Variants in FGF1 observed in about 807,000 individuals in gnomAD.
The protein encoded by FGF1 is fibroblast growth factor 1.
In FGF1, 9 loss-of-function variants were observed where a neutral mutation model predicts 13.4. The observed-to-expected ratio is 0.67, with a 90% CI of 0.40 to 1.17. The LOEUF (loss-of-function observed/expected upper bound fraction) is 1.17. Ranked by LOEUF, FGF1 falls within the 50% of genes most tolerant of loss-of-function variation. The probability of loss-of-function intolerance (pLI) is 0.01; values close to 1 mark genes in which losing one functional copy is unlikely to be tolerated. For synonymous variants in FGF1, 93 were observed against 79.0 expected (o/e 1.18, Z -0.94); for missense variants, 156 against 192.7 (o/e 0.81, Z 1.13).
chr5:142,656,827 C>A (rs1160115320), intron 1 of FGF1, among the ~76,000 whole-genome samples: 1 of 152,034 alleles, frequency 6.6e-6, no homozygotes, highest in Admixed American at 6.6e-5. Context: ...AGATAGAAAA[C>A]TGAAAAAATG....
At chr5:142,609,101 G>T (rs933511331) in intron 2 of FGF1, among the ~76,000 whole-genome samples, 1 of 152,078 alleles carries the variant, frequency 6.6e-6, no homozygotes, top group Non-Finnish European at 1.5e-5. Flanking sequence ...TAGAAGTCTG[G>T]ACTCCCCTAA....
upstream of FGF1, among the ~76,000 whole-genome samples, chr5:142,688,023 C>A (rs1030461067): frequency 2.0e-5 from 3 of 152,240 alleles, no homozygotes; most frequent in Non-Finnish European, 4.4e-5. Flanking sequence ...GCAGGGAATG[C>A]AAATGCAAGT....
intron 1 of FGF1, among the ~76,000 whole-genome samples, chr5:142,653,111 G>A (rs962500965): frequency 3.3e-5 from 5 of 152,188 alleles, no homozygotes; most frequent in African/African-American, 7.2e-5. Flanking sequence ...GAAAGCCAGC[G>A]GTTACCTTTA....
intron 1 of FGF1, chr5:142,680,148 A>G (rs957858591): frequency 7.2e-5 from 11 of 152,274 alleles, no homozygotes; most frequent in South Asian, 6.2e-4. Context: ...TAAAGACCCT[A>G]TCTCCAAAAT....
chr5:142,628,311 C>A (rs1025393703), intron 1 of FGF1, among the ~76,000 whole-genome samples: 1 of 152,092 alleles, frequency 6.6e-6, no homozygotes, highest in Admixed American at 6.5e-5. Context: ...GAGTTTGAGA[C>A]CAGCCTGACC....
At chr5:142,611,718 A>G (rs1438996035) in intron 2 of FGF1, among the ~76,000 whole-genome samples, 1 of 152,146 alleles carries the variant, frequency 6.6e-6, no homozygotes, top group Non-Finnish European at 1.5e-5. Flanking sequence ...CCTTGTTCTT[A>G]GTTCCAGAGT....
intron 1 of FGF1, among the ~76,000 whole-genome samples, chr5:142,629,892 TA>T (rs1183768084): frequency 0.014 from 1,430 of 100,364 alleles, 17 homozygotes; most frequent in African/African-American, 0.034. Context: ...TATATATATA[TA>T]TATTTTTTTT....
chr5:142,604,093 T>C (rs537406339), intron 2 of FGF1, among the ~76,000 whole-genome samples: 1 of 152,282 alleles, frequency 6.6e-6, no homozygotes, highest in Admixed American at 6.5e-5. Flanking sequence ...AGATTCAGGG[T>C]ATCCAGGGCC....
chr5:142,651,944 T>C (rs372227274), intron 1 of FGF1, among the ~76,000 whole-genome samples: 44 of 152,116 alleles, frequency 2.9e-4, no homozygotes, highest in African/African-American at 9.9e-4. Context: ...TCTGAGAGAA[T>C]TTGTAATAAC....
intron 1 of FGF1, among the ~76,000 whole-genome samples, chr5:142,614,963 G>A (rs936699647): frequency 6.6e-6 from 1 of 152,098 alleles, no homozygotes; most frequent in Non-Finnish European, 1.5e-5. Flanking sequence ...ATTTTCTAAT[G>A]TGAGATAGAA....
chr5:142,674,287 C>G (rs771636336), intron 1 of FGF1, among the ~76,000 whole-genome samples: 38 of 152,204 alleles, frequency 2.5e-4, no homozygotes, highest in Non-Finnish European at 5.1e-4. Context: ...ACTCCTCTGC[C>G]CCATCAGAAT....
chr5:142,685,107 C>T (rs1273943141), intron 1 of FGF1, among the ~76,000 whole-genome samples: 2 of 152,146 alleles, frequency 1.3e-5, no homozygotes, highest in Non-Finnish European at 2.9e-5. Flanking sequence ...GGCTGCATTT[C>T]TGAAGTGCTC....
In FGF1 at chr5:142,640,950, T is replaced by C. The variant is rs17223402; in HGVS notation, c.-34-26789A>G. ...AGACTCTCTCCATATACTTAGTAGA[T>C]GCTCGGTGAATATCTGTTGGTGTTT... On this transcript the variant is annotated intron_variant, in intron 1 of 3. Coordinates refer to ENST00000337706, the MANE Select transcript of FGF1 (RefSeq NM_000800.5). 8.6e-3 allele frequency among the ~76,000 whole-genome samples: 1,314 copies of C among 152,108 alleles called. 39 individuals carry two copies. The highest frequency in any genetic ancestry group is 0.03 in the African/African-American group (1,248 of 41,394).
chr5:142,600,102 G>T (rs929631807), intron 3 of FGF1, among the ~76,000 whole-genome samples: 7 of 152,226 alleles, frequency 4.6e-5, no homozygotes, highest in Non-Finnish European at 1.0e-4. Context: ...TGGGCTGTGT[G>T]TGGTGGCCTA....
chr5:142,681,377 G>A (rs1477734083), intron 1 of FGF1, among the ~76,000 whole-genome samples: 2 of 152,150 alleles, frequency 1.3e-5, no homozygotes, highest in Non-Finnish European at 2.9e-5. Flanking sequence ...TGTGCTTGGG[G>A]CTCTGTTGTT....
At chr5:142,649,599 G>A (rs941395368) in intron 1 of FGF1, among the ~76,000 whole-genome samples, 2 of 151,308 alleles carry the variant, frequency 1.3e-5, no homozygotes, top group African/African-American at 4.9e-5. Flanking sequence ...AGTAGAGATG[G>A]GGTTTCTCCA....
chr5:142,627,929 C>G (rs1762731659), intron 1 of FGF1, among the ~76,000 whole-genome samples: 1 of 152,126 alleles, frequency 6.6e-6, no homozygotes, highest in Non-Finnish European at 1.5e-5. Context: ...ACTGTTTGCT[C>G]CCTGTTTCAG....
chr5:142,649,195 C>T (rs1392248524), intron 1 of FGF1, among the ~76,000 whole-genome samples: 1 of 152,146 alleles, frequency 6.6e-6, no homozygotes, highest in Non-Finnish European at 1.5e-5. Flanking sequence ...ATCCCCCTTC[C>T]TTGAGGCAAC....
intron 1 of FGF1, among the ~76,000 whole-genome samples, chr5:142,658,565 A>T (rs886144887): frequency 7.2e-5 from 11 of 152,334 alleles, no homozygotes; most frequent in African/African-American, 2.6e-4. Context: ...AGTGTGGCTC[A>T]TGCCCTTATG....
Sources: gnomAD v4.1 joint callset for allele counts (sites outside exome capture counted in the v4.1 genomes callset) on GRCh38, gnomAD v4.1.1 for gene constraint, MANE v1.5 for transcripts, NCBI Gene and HGNC (gene_info 2026-07-23, HGNC 2026-07-21) for gene names.